The following DNAH3 variants were observed in gnomAD, a reference collection of about 807,000 sequenced individuals.
DNAH3 encodes dynein axonemal heavy chain 3, also known as axonemal beta dynein heavy chain 3.
In DNAH3, 332 loss-of-function variants were observed where a neutral mutation model predicts 432.5. The ratio of observed to expected loss-of-function variants is 0.77; its 90% CI spans 0.70 to 0.84. DNAH3 has a LOEUF of 0.84. DNAH3 is among the 40% of genes least tolerant of loss of function. The pLI is 0.00. For synonymous variants in DNAH3, 1,956 were observed against 1,900.2 expected (o/e 1.03, Z -0.76); for missense variants, 4,861 against 5,114.0 (o/e 0.95, Z 1.51).
exon 58 of DNAH3, chr16:20,944,546 C>A (rs1009725927): frequency 4.3e-6 from 7 of 1,614,128 alleles, no homozygotes; most frequent in Non-Finnish European, 5.9e-6. Flanking sequence ...GTCAGCAGGA[C>A]CCCCTCAAAC....
intron 51 of DNAH3, among the ~76,000 whole-genome samples, chr16:20,971,205 C>CTT (rs2085327939): frequency 6.7e-6 from 1 of 148,870 alleles, no homozygotes; most frequent in Non-Finnish European, 1.5e-5. Flanking sequence ...TTTTTTTTTT[C>CTT]TTTTTTGGTA....
intron 25 of DNAH3, among the ~76,000 whole-genome samples, chr16:21,060,893 G>A (rs1220665642): frequency 8.7e-5 from 13 of 148,662 alleles, no homozygotes; most frequent in South Asian, 2.1e-4. Context: ...ACTGGAGTGC[G>A]GTGGCACGAT....
chr16:21,070,712 G>C (rs183765350), exon 22 of DNAH3: 1 of 1,599,642 alleles, frequency 6.3e-7, no homozygotes, highest in African/African-American at 1.3e-5. Flanking sequence ...CCTCTTACCC[G>C]GCATTCTGCT....
intron 35 of DNAH3, among the ~76,000 whole-genome samples, chr16:21,035,306 A>G (rs1322945027): frequency 6.6e-6 from 1 of 152,164 alleles, no homozygotes; most frequent in East Asian, 1.9e-4. Flanking sequence ...CAGCCTGGGT[A>G]ATGGAGGGAG....
chr16:20,955,415 G>A (rs1468802727), intron 54 of DNAH3, among the ~76,000 whole-genome samples: 1 of 151,806 alleles, frequency 6.6e-6, no homozygotes, highest in Admixed American at 6.6e-5. Flanking sequence ...CTTGGCAGTA[G>A]TTGAACCAAG....
At chr16:21,127,926 A>C in intron 7 of DNAH3, 114 bp from the exon 9 acceptor site, 2 of 1,280,482 alleles carry the variant, frequency 1.6e-6, no homozygotes, top group Non-Finnish European at 2.2e-6. Context: ...AAGCAGAATC[A>C]AATGAATTAC....
chr16:21,059,834 G>A (rs536173444), intron 26 of DNAH3, among the ~76,000 whole-genome samples: 2 of 151,880 alleles, frequency 1.3e-5, no homozygotes, highest in South Asian at 2.1e-4. Context: ...GTGACTACAG[G>A]CTGGGTACCA....
chr16:21,122,228 C>T, intron 9 of DNAH3, 104 bp from the exon 11 acceptor site: 15 of 922,812 alleles, frequency 1.6e-5, no homozygotes, highest in Non-Finnish European at 2.5e-5. Context: ...CCAGAAAAGG[C>T]AATGAAGGGC....
At chr16:21,034,329 G>A (rs2089053526) in intron 35 of DNAH3, among the ~76,000 whole-genome samples, 1 of 152,194 alleles carries the variant, frequency 6.6e-6, no homozygotes, top group South Asian at 2.1e-4. Flanking sequence ...TTGTCTATGT[G>A]TTAAGAATCA....
chr16:20,965,007 G>T, exon 53 of DNAH3: 1 of 1,614,138 alleles, frequency 6.2e-7, no homozygotes, highest in Non-Finnish European at 8.5e-7. Flanking sequence ...TTTGGGAGCA[G>T]ATTTCAATGT....
intron 20 of DNAH3, among the ~76,000 whole-genome samples, chr16:21,080,158 A>G (rs902455207): frequency 2.0e-5 from 3 of 152,192 alleles, no homozygotes; most frequent in Admixed American, 1.3e-4. Flanking sequence ...TTAGCCAGGC[A>G]TGGTGGCGGG....
intron 20 of DNAH3, 73 bp downstream of exon 20, chr16:21,081,563 C>T (rs2091186747): frequency 2.4e-6 from 3 of 1,251,496 alleles, no homozygotes; most frequent in Non-Finnish European, 3.5e-6. Flanking sequence ...CGATATGGAG[C>T]CAATCAGATC....
At chr16:21,024,926 GTTTA>G (rs767010354) in intron 38 of DNAH3, among the ~76,000 whole-genome samples, 3 of 152,040 alleles carry the variant, frequency 2.0e-5, no homozygotes, top group Non-Finnish European at 4.4e-5. Flanking sequence ...TTCCTAAAAT[GTTTA>G]TTTGTTTGTT....
intron 16 of DNAH3, 72 bp downstream of exon 16, chr16:21,104,399 G>T: frequency 7.2e-7 from 1 of 1,386,052 alleles, no homozygotes; most frequent in Non-Finnish European, 1.0e-6. Flanking sequence ...GGCTTAGACA[G>T]AACCAGGAAC....
chr16:21,132,200 A>C (rs1318953795), intron 7 of DNAH3, among the ~76,000 whole-genome samples: 1 of 152,182 alleles, frequency 6.6e-6, no homozygotes, highest in Non-Finnish European at 1.5e-5. Flanking sequence ...AGCAAAACTA[A>C]GGATTTGAAA....
At chr16:21,100,207 G>GAAT (rs2091800977) in intron 16 of DNAH3, among the ~76,000 whole-genome samples, 1 of 152,126 alleles carries the variant, frequency 6.6e-6, no homozygotes, top group Non-Finnish European at 1.5e-5. Flanking sequence ...AAGTAGCTGA[G>GAAT]ATTATAGGTG....
Position 21,074,805 on chromosome 16 carries a change from C to T in DNAH3, c.3084+642G>A, listed in dbSNP as rs371235115. 6.6e-5 allele frequency among the ~76,000 whole-genome samples: 10 copies of T among 152,256 alleles called. No homozygotes were observed. In the East Asian group the frequency reaches 1.4e-3, roughly 21 times the overall value. On this transcript the variant is annotated intron_variant, in intron 21 of 61. Transcript: ENST00000261383. ...TTTACAGCTCCCCAAGAGCTGCAACCCTCATCCCTACCTCACACCCTATCC... is the reference window on the plus strand; with the variant it reads ...TTTACAGCTCCCCAAGAGCTGCAACTCTCATCCCTACCTCACACCCTATCC...
chr16:20,972,889 C>T (rs913262296), intron 51 of DNAH3, among the ~76,000 whole-genome samples: 28 of 151,748 alleles, frequency 1.8e-4, no homozygotes, highest in African/African-American at 4.6e-4. Flanking sequence ...CCACCACGCC[C>T]GGCTAATTTT....
At chr16:21,035,433 T>C (rs2089121223) in intron 35 of DNAH3, among the ~76,000 whole-genome samples, 1 of 152,236 alleles carries the variant, frequency 6.6e-6, no homozygotes, top group Admixed American at 6.5e-5. Context: ...CCAGAACCCT[T>C]GTTTTTGAAA....
Sources: allele counts gnomAD v4.1 joint callset (sites outside exome capture counted in the v4.1 genomes callset), GRCh38; gene constraint gnomAD v4.1.1; transcripts MANE v1.5; gene names NCBI Gene and HGNC (gene_info 2026-07-23, HGNC 2026-07-21).